The following KLHL29 variants were observed in gnomAD, a reference collection of about 807,000 sequenced individuals.
The protein encoded by KLHL29 is kelch-like protein 29.
Under a neutral mutation model 80.4 loss-of-function variants are expected in KLHL29, and 21 were observed. The observed-to-expected ratio is 0.26, with a 90% confidence interval of 0.19 to 0.38. The LOEUF is 0.38. KLHL29 is among the 10% of genes least tolerant of loss of function. The pLI is 1.00. For missense variants in KLHL29, 867 were observed against 1,223.9 expected (o/e 0.71, Z 4.35); for synonymous variants, 511 against 526.8 (o/e 0.97, Z 0.41).
At chr2:23,387,568 T>C (rs1423393460) in intron 1 of KLHL29, among the ~76,000 whole-genome samples, 2 of 151,508 alleles carry the variant, frequency 1.3e-5, no homozygotes, top group Non-Finnish European at 2.9e-5. Flanking sequence ...TATAGAGCTT[T>C]TTAATTTTTT....
chr2:23,559,272 G>A (rs192856938), intron 2 of KLHL29, among the ~76,000 whole-genome samples: 32 of 152,286 alleles, frequency 2.1e-4, no homozygotes, highest in African/African-American at 7.7e-4. Context: ...CTAGAAAAGG[G>A]AGCCCGCCCA....
intron 2 of KLHL29, among the ~76,000 whole-genome samples, chr2:23,547,295 G>A (rs1572392701): frequency 6.6e-6 from 1 of 152,186 alleles, no homozygotes; most frequent in Non-Finnish European, 1.5e-5. Context: ...GCCTGGGTCC[G>A]GCCAGAGCTG....
intron 1 of KLHL29, among the ~76,000 whole-genome samples, chr2:23,398,422 T>A (rs972116344): frequency 2.6e-5 from 4 of 152,242 alleles, no homozygotes; most frequent in Non-Finnish European, 5.9e-5. Context: ...TGGATTGGAT[T>A]CACAGACAGA....
At chr2:23,648,048 C>T (rs1404905808) in intron 5 of KLHL29, among the ~76,000 whole-genome samples, 2 of 152,084 alleles carry the variant, frequency 1.3e-5, no homozygotes, top group African/African-American at 4.8e-5. Context: ...GGTCAGTGCT[C>T]AGGGCCCCAG....
At chr2:23,627,367 C>T (rs1299016024) in intron 3 of KLHL29, among the ~76,000 whole-genome samples, 3 of 152,258 alleles carry the variant, frequency 2.0e-5, no homozygotes, top group African/African-American at 7.2e-5. Context: ...CCTAAGCAGG[C>T]ACAAAGCAGC....
intron 5 of KLHL29, among the ~76,000 whole-genome samples, chr2:23,674,680 AG>A (rs1670873983): frequency 6.6e-6 from 1 of 152,054 alleles, no homozygotes; most frequent in Non-Finnish European, 1.5e-5. Flanking sequence ...CAGGAGGAGG[AG>A]TGAGACCCAC....
At position 23,457,533 on chromosome 2, in the gene KLHL29, C is replaced by T. The variant is rs538377970; in HGVS notation, c.-153-18027C>T. Among the ~76,000 whole-genome samples the T allele has an allele frequency of 1.1e-4, 17 of 152,274 alleles. 1 individual carries two copies. In the South Asian group the frequency reaches 2.3e-3, roughly 20 times the overall value. ...CCTCAACCCGTCACCTTGTGTTCCC[C>T]GAGGTGGGGGTGCCTCTGGAATTCC... On this transcript the variant is annotated intron_variant, in intron 1 of 13. Transcript: ENST00000486442. The surrounding 1 kb of genome is among the most constrained non-coding windows in gnomAD (Gnocchi z 4.3).
rs1316551759 is a variant in KLHL29, at chr2:23,457,644, G to T, written c.-153-17916G>T. On this transcript the variant is annotated intron_variant, in intron 1 of 13. Coordinates refer to ENST00000486442, the MANE Select transcript of KLHL29 (RefSeq NM_052920.2). This position sits in a 1 kb window ranked among gnomAD's most constrained non-coding sequence, Gnocchi z 4.3. ...CAACAATAAATTCCCAGGCTCTGAA[G>T]CACCAGGAACAAGGTCCCTGCAGTC... 1.3e-5 allele frequency among the ~76,000 whole-genome samples: 2 copies of T among 152,186 alleles called. No homozygotes were observed. Among genetic ancestry groups the T allele is most frequent in the Non-Finnish European group, 2.9e-5 (2 of 68,032 alleles).
intron 5 of KLHL29, among the ~76,000 whole-genome samples, chr2:23,674,448 A>G (rs375113337): frequency 1.8e-4 from 28 of 152,166 alleles, no homozygotes; most frequent in Admixed American, 9.2e-4. Flanking sequence ...CTCCCCTGGC[A>G]TTCTGCCCTG....
rs1390257307 is a variant in KLHL29 at position 23,639,195 on chromosome 2, G to A, written c.342G>A (p.Arg114=). The change falls in exon 4 of 14, where the codon CGG becomes CGA. Residue 114 remains arginine (R), a synonymous_variant. Coordinates refer to ENST00000486442, the MANE Select transcript of KLHL29 (RefSeq NM_052920.2). ...CCCAGGGACTGGCGACCAGCATCCG[G>A]TGGGGGCAGACGCCTATCAATCAGT... The part of the protein sequence containing the change: ...SQSQGLATSI[R]WGQTPINQST... 1.9e-6 allele frequency: 3 copies of A among 1,546,968 alleles called. No homozygotes were observed. Among genetic ancestry groups the A allele is most frequent in the African/African-American group, 1.4e-5 (1 of 72,912 alleles).
intron 3 of KLHL29, among the ~76,000 whole-genome samples, chr2:23,597,383 G>GTGTATATA (rs1444343783): frequency 7.2e-4 from 17 of 23,588 alleles, no homozygotes; most frequent in African/African-American, 2.3e-3. Flanking sequence ...GTGTGTGTGT[G>GTGTATATA]TATATATATA....
intron 5 of KLHL29, among the ~76,000 whole-genome samples, chr2:23,665,942 A>G (rs1467823263): frequency 6.6e-6 from 1 of 152,234 alleles, no homozygotes; most frequent in Non-Finnish European, 1.5e-5. Flanking sequence ...TTTTCCAAAT[A>G]TGAGCTGTAT....
chr2:23,571,115 A>G (rs1044042721), intron 3 of KLHL29, among the ~76,000 whole-genome samples: 6 of 152,266 alleles, frequency 3.9e-5, no homozygotes, highest in Admixed American at 6.5e-5. Flanking sequence ...GGGACTCAGC[A>G]TAGGACAGCC....
At chr2:23,667,267 C>A (rs151308625) in intron 5 of KLHL29, 2 of 152,142 alleles carry the variant, frequency 1.3e-5, no homozygotes, top group East Asian at 3.9e-4. Context: ...TTTGAGCTGT[C>A]GTTCCTTAAT....
rs536021589 is a variant in KLHL29, at chr2:23,647,930, A to G, written c.940+5080A>G. ...CCCCCTCAGTATCCAAGCCGGTACCAGCACTCAGAGATGCCCCAGAAGCGT... is the reference window on the plus strand; with the variant it reads ...CCCCCTCAGTATCCAAGCCGGTACCGGCACTCAGAGATGCCCCAGAAGCGT... On this transcript the variant is annotated intron_variant, in intron 5 of 13. Coordinates refer to ENST00000486442, the MANE Select transcript of KLHL29 (RefSeq NM_052920.2). The surrounding 1 kb of genome is among the most constrained non-coding windows in gnomAD (Gnocchi z 4.9). Among the ~76,000 whole-genome samples the G allele has an allele frequency of 6.6e-6, 1 of 152,236 alleles. No homozygotes were observed. Among genetic ancestry groups the G allele is most frequent in the Non-Finnish European group, 1.5e-5 (1 of 68,012 alleles).
At chr2:23,686,510 C>T (rs1329457845) in intron 6 of KLHL29, among the ~76,000 whole-genome samples, 1 of 151,948 alleles carries the variant, frequency 6.6e-6, no homozygotes, top group Non-Finnish European at 1.5e-5. Context: ...CTGACACCTC[C>T]GGGGGATGGG....
chr2:23,597,296 CATA>C (rs1358179513), intron 3 of KLHL29, among the ~76,000 whole-genome samples: 85 of 59,456 alleles, frequency 1.4e-3, no homozygotes, highest in Admixed American at 5.0e-3. Flanking sequence ...CTCTCTCTCT[CATA>C]TATATATATA....
intron 1 of KLHL29, among the ~76,000 whole-genome samples, chr2:23,463,698 A>T (rs1664277231): frequency 6.6e-6 from 1 of 152,168 alleles, no homozygotes; most frequent in South Asian, 2.1e-4. Context: ...AAACACAAGG[A>T]GCCGTAAGCC....
chr2:23,611,337 G>T (rs1264134283), intron 3 of KLHL29, among the ~76,000 whole-genome samples: 1 of 152,194 alleles, frequency 6.6e-6, no homozygotes, highest in Admixed American at 6.5e-5. Flanking sequence ...AGAGGACCAG[G>T]ATTGGAACCC....
Sources: allele counts gnomAD v4.1 joint callset (sites outside exome capture counted in the v4.1 genomes callset), GRCh38; gene constraint gnomAD v4.1.1; non-coding constraint Gnocchi (gnomAD v3.1); transcripts MANE v1.5; gene names NCBI Gene and HGNC (gene_info 2026-07-23, HGNC 2026-07-21).